The following SNX27 variants were observed in gnomAD, a reference collection of about 807,000 sequenced individuals.
SNX27 encodes sorting nexin-27.
SNX27 carries 22 observed loss-of-function variants against 71.6 expected under a neutral mutation model. The ratio of observed to expected loss-of-function variants is 0.31; its 90% CI spans 0.22 to 0.44. SNX27 has a LOEUF of 0.44. SNX27 is among the 20% of genes least tolerant of loss of function. The pLI, the probability that SNX27 is intolerant of heterozygous loss-of-function variation, is 1.00. For synonymous variants in SNX27, 269 were observed against 277.2 expected (o/e 0.97, Z 0.29); for missense variants, 531 against 698.6 (o/e 0.76, Z 2.70).
intron 2 of SNX27, among the ~76,000 whole-genome samples, chr1:151,657,311 G>A (rs139980192): frequency 2.6e-5 from 4 of 152,020 alleles, no homozygotes; most frequent in African/African-American, 4.8e-5. Context: ...GACTACAGGC[G>A]CATGCCACCA....
intron 2 of SNX27, among the ~76,000 whole-genome samples, chr1:151,640,259 A>G (rs1170717703): frequency 1.3e-5 from 2 of 152,220 alleles, no homozygotes; most frequent in Non-Finnish European, 2.9e-5. Flanking sequence ...GTTGAAATCA[A>G]GGTCACATCC....
intron 7 of SNX27, among the ~76,000 whole-genome samples, chr1:151,671,133 A>G (rs113270811): frequency 3.2e-4 from 48 of 151,776 alleles, no homozygotes; most frequent in African/African-American, 1.1e-3. Context: ...ATTGTGTTCC[A>G]TCGGTCTGTG....
rs937918476 is a variant in SNX27, at chr1:151,612,639, C to T, written c.311+127C>T. 6.9e-6 allele frequency: 5 copies of T among 722,870 alleles called. No homozygotes were observed. Among genetic ancestry groups the T allele is most frequent in the African/African-American group, 5.5e-5 (3 of 54,236 alleles). The allele number at this position is 722,870 out of a possible 1,614,324, so 44.8% of individuals were successfully genotyped here. A position where few individuals can be genotyped will look rare whatever the true frequency, so the allele number is the denominator to read the frequency against. On this transcript the variant is annotated intron_variant, in intron 1 of 11. Coordinates refer to ENST00000458013, the MANE Select transcript of SNX27 (RefSeq NM_001330723.2). The surrounding 1 kb of genome is among the most constrained non-coding windows in gnomAD (Gnocchi z 5.2). Reference sequence around the variant, plus strand: ...CCGAGCCGGCCTCCGGACCCCCGCCCCTCAGGCCTCCGCAGCCGGGCCCCT... The same window carrying T: ...CCGAGCCGGCCTCCGGACCCCCGCCTCTCAGGCCTCCGCAGCCGGGCCCCT...
At chr1:151,693,257 G>T in intron 10 of SNX27, 167 bp from the exon 11 acceptor site, 1 of 896,378 alleles carries the variant, frequency 1.1e-6, no homozygotes, top group Non-Finnish European at 1.7e-6. Context: ...CCACTAGAAG[G>T]AGCTAGAGAA....
At chr1:151,623,151 A>T (rs1051232784) in intron 1 of SNX27, among the ~76,000 whole-genome samples, 4 of 133,824 alleles carry the variant, frequency 3.0e-5, no homozygotes, top group African/African-American at 8.7e-5. Context: ...ATATATATAT[A>T]TTTTTTTTTT....
chr1:151,689,262 G>C (rs1486447275), intron 8 of SNX27, among the ~76,000 whole-genome samples: 2 of 152,174 alleles, frequency 1.3e-5, no homozygotes, highest in African/African-American at 4.8e-5. Context: ...AGATGACGTA[G>C]CTTCTCAGAA....
At chr1:151,687,544 G>A (rs572918955) in intron 8 of SNX27, among the ~76,000 whole-genome samples, 2 of 152,126 alleles carry the variant, frequency 1.3e-5, no homozygotes, top group Non-Finnish European at 2.9e-5. Context: ...CTTCTATTTT[G>A]GACCTGGTTT....
At chr1:151,622,880 C>T (rs934172397) in intron 1 of SNX27, among the ~76,000 whole-genome samples, 2 of 152,156 alleles carry the variant, frequency 1.3e-5, no homozygotes, top group East Asian at 3.8e-4. Context: ...CCACAACCTC[C>T]TGGACTCAAG....
chr1:151,689,692 C>A (rs1161765575), intron 8 of SNX27, among the ~76,000 whole-genome samples: 2 of 152,166 alleles, frequency 1.3e-5, no homozygotes, highest in East Asian at 3.9e-4. Flanking sequence ...CACCCACTGG[C>A]ATTTACAGAG....
At chr1:151,652,333 A>AT (rs1178846122) in intron 2 of SNX27, among the ~76,000 whole-genome samples, 1 of 146,026 alleles carries the variant, frequency 6.8e-6, no homozygotes, top group Non-Finnish European at 1.5e-5. Flanking sequence ...AAGTTTGCTG[A>AT]TTTTTTCCTC....
In SNX27 at chr1:151,657,184, G is replaced by GT. The variant is rs201136982; in HGVS notation, c.544-1044dup. The stretch of plus-strand genomic sequence containing the variant: ...ATTCCACTGTTGCTGAAATCATTTT[G>GT]TTTTTTTGAGACAGTGTGTCCTTCT... On this transcript the variant is annotated intron_variant, in intron 2 of 11. Transcript: ENST00000458013. Among the ~76,000 whole-genome samples the GT allele has an allele frequency of 5.0e-3, 762 of 152,204 alleles. 31 individuals are homozygous for GT. Among genetic ancestry groups the GT allele is most frequent in the Admixed American group, 0.035 (539 of 15,294 alleles).
At chr1:151,671,587 G>T (rs1461026325) in intron 7 of SNX27, among the ~76,000 whole-genome samples, 1 of 151,746 alleles carries the variant, frequency 6.6e-6, no homozygotes, top group Non-Finnish European at 1.5e-5. Flanking sequence ...GTCTTTGGTG[G>T]TTCCATATAA....
intron 8 of SNX27, among the ~76,000 whole-genome samples, chr1:151,689,424 A>G (rs916867591): frequency 2.6e-5 from 4 of 152,200 alleles, no homozygotes; most frequent in African/African-American, 7.2e-5. Context: ...AACTTACTCA[A>G]GGTCACAAAG....
Position 151,681,235 on chromosome 1 carries a change from C to CTTT in SNX27, c.1150-2099_1150-2097dup, listed in dbSNP as rs762924986. Among the ~76,000 whole-genome samples the CTTT allele has an allele frequency of 4.5e-3, 273 of 60,684 alleles. 19 individuals are homozygous for CTTT. Among genetic ancestry groups the CTTT allele is most frequent in the African/African-American group, 8.3e-3 (131 of 15,710 alleles). 39.8% of individuals were successfully genotyped at this position (60,684 alleles called of 152,430 possible). ...CTAGAAGTTGAATTAGTCTCTCAAT[C>CTTT]TTTTTTTTTTTTTTTTTTTTTTTTG... On this transcript the variant is annotated intron_variant, in intron 7 of 11. Transcript: ENST00000458013.
chr1:151,680,129 C>T (rs1256869904), intron 7 of SNX27: 1 of 148,114 alleles, frequency 6.8e-6, no homozygotes, highest in Admixed American at 6.8e-5. Flanking sequence ...ATGTTTTCCA[C>T]TTAGTCAGTC....
At chr1:151,686,087 A>T (rs1371492115) in intron 8 of SNX27, among the ~76,000 whole-genome samples, 1 of 152,240 alleles carries the variant, frequency 6.6e-6, no homozygotes, top group Non-Finnish European at 1.5e-5. Flanking sequence ...TTCTGCAGTA[A>T]TCCTTTGCCT....
chr1:151,673,572 A>G lies in SNX27; in HGVS notation c.1149+4937A>G, dbSNP rs1464138170. On this transcript the variant is annotated intron_variant, in intron 7 of 11. Transcript: ENST00000458013. ...CTATAATGCAGATTAAGTCCATTGT[A>G]TCTTTGTTGATTTTCTGTCTGGAAG... Among the ~76,000 whole-genome samples the G allele has an allele frequency of 5.3e-5, 8 of 152,130 alleles. No homozygotes were observed. The East Asian group carries it at 1.5e-3, about 29-fold the overall frequency.
intron 5 of SNX27, among the ~76,000 whole-genome samples, chr1:151,664,085 T>C (rs1670081317): frequency 6.8e-6 from 1 of 147,984 alleles, no homozygotes; most frequent in Non-Finnish European, 1.5e-5. Context: ...AGAGTAAATA[T>C]ATCATTATAT....
intron 2 of SNX27, among the ~76,000 whole-genome samples, chr1:151,649,593 A>G (rs1420963160): frequency 6.6e-6 from 1 of 152,076 alleles, no homozygotes; most frequent in Non-Finnish European, 1.5e-5. Flanking sequence ...AATTTAAAAC[A>G]AAATCACTCC....
Sources: gnomAD v4.1 joint callset for allele counts (sites outside exome capture counted in the v4.1 genomes callset) on GRCh38, gnomAD v4.1.1 for gene constraint, Gnocchi (gnomAD v3.1) non-coding constraint, MANE v1.5 for transcripts, NCBI Gene and HGNC (gene_info 2026-07-23, HGNC 2026-07-21) for gene names.